Variants in FHOD3 observed in about 807,000 individuals in gnomAD.
The protein encoded by FHOD3 is FH1/FH2 domain-containing protein 3.
A neutral mutation model predicts 173.0 loss-of-function variants in FHOD3; 90 were observed. The ratio of observed to expected loss-of-function variants is 0.52; its 90% CI spans 0.44 to 0.62. FHOD3 has a LOEUF of 0.62. Ranked by LOEUF, FHOD3 falls within the 20% of genes least tolerant of loss-of-function variation. The pLI, the probability that FHOD3 is intolerant of heterozygous loss-of-function variation, is 0.00. For missense variants in FHOD3, 1,945 were observed against 2,034.7 expected, an observed-to-expected ratio of 0.96 and a Z score of 0.85; for synonymous variants, 828 against 823.0, an observed-to-expected ratio of 1.01 and a Z score of -0.10.
chr18:36,613,698 GTCTC>G (rs984089433), intron 9 of FHOD3, among the ~76,000 whole-genome samples: 2 of 152,038 alleles, frequency 1.3e-5, no homozygotes, highest in Admixed American at 6.6e-5. Context: ...TTTTGAGACA[GTCTC>G]TCTCTCTGTT....
intron 1 of FHOD3, among the ~76,000 whole-genome samples, chr18:36,351,856 A>C (rs1389882642): frequency 1.3e-5 from 2 of 152,262 alleles, no homozygotes; most frequent in Admixed American, 1.3e-4. Context: ...AAAATAGCCC[A>C]GATGGGGCTA....
At chr18:36,551,711 A>G (rs1476569115) in intron 5 of FHOD3, among the ~76,000 whole-genome samples, 1 of 152,220 alleles carries the variant, frequency 6.6e-6, no homozygotes, top group African/African-American at 2.4e-5. Context: ...AGCTTTCTGC[A>G]TATGGCTAGC....
intron 9 of FHOD3, among the ~76,000 whole-genome samples, chr18:36,621,839 T>A (rs542191131): frequency 1.3e-5 from 2 of 152,366 alleles, no homozygotes; most frequent in African/African-American, 4.8e-5. Context: ...CACTTCTGGA[T>A]ATTCATCAAA....
intron 17 of FHOD3, among the ~76,000 whole-genome samples, chr18:36,700,647 G>T (rs2039530555): frequency 6.6e-6 from 1 of 151,782 alleles, no homozygotes; most frequent in Non-Finnish European, 1.5e-5. Flanking sequence ...CTTCTTCCAG[G>T]CTCTTCTCAG....
intron 18 of FHOD3, chr18:36,710,296 T>C (rs2040100397): frequency 6.6e-6 from 1 of 152,190 alleles, no homozygotes; most frequent in African/African-American, 2.4e-5. Flanking sequence ...TCCTAACCAG[T>C]GGAGTCATGT....
intron 3 of FHOD3, among the ~76,000 whole-genome samples, chr18:36,433,677 G>A (rs2050671140): frequency 6.6e-6 from 1 of 152,190 alleles, no homozygotes; most frequent in South Asian, 2.1e-4. Flanking sequence ...TACTGTCGCA[G>A]TATCTAAGCC....
chr18:36,388,212 C>A (rs900922341), intron 3 of FHOD3, among the ~76,000 whole-genome samples: 1 of 152,132 alleles, frequency 6.6e-6, no homozygotes, highest in African/African-American at 2.4e-5. Context: ...CATATCATAT[C>A]TTTCTGACAT....
intron 5 of FHOD3, among the ~76,000 whole-genome samples, chr18:36,573,153 T>C (rs2058515097): frequency 6.6e-6 from 1 of 151,196 alleles, no homozygotes; most frequent in Non-Finnish European, 1.5e-5. Flanking sequence ...TTTTGTTCTT[T>C]TTTTTTTTTT....
At chr18:36,528,918 C>T (rs79529800) in intron 5 of FHOD3, among the ~76,000 whole-genome samples, 1,896 of 152,292 alleles carry the variant, frequency 0.012, 42 homozygotes, top group African/African-American at 0.042. Context: ...TTCTCGCACA[C>T]TCACTGCCCT....
At chr18:36,557,072 C>A (rs1250954104) in intron 5 of FHOD3, among the ~76,000 whole-genome samples, 1 of 152,036 alleles carries the variant, frequency 6.6e-6, no homozygotes, top group African/African-American at 2.4e-5. Flanking sequence ...TCATATGCAT[C>A]TATTTTCTGT....
chr18:36,484,854 A>C (rs1023771765), intron 3 of FHOD3, among the ~76,000 whole-genome samples: 1 of 152,108 alleles, frequency 6.6e-6, no homozygotes, highest in African/African-American at 2.4e-5. Context: ...GGGGAAGCCT[A>C]AGGGAGAACT....
chr18:36,637,793 G>C (rs1172167398), intron 10 of FHOD3, among the ~76,000 whole-genome samples: 1 of 152,126 alleles, frequency 6.6e-6, no homozygotes, highest in Admixed American at 6.5e-5. Flanking sequence ...ACAAGGATGT[G>C]GACAGGGAGA....
intron 3 of FHOD3, among the ~76,000 whole-genome samples, chr18:36,441,406 G>A (rs1420719354): frequency 1.3e-5 from 2 of 152,220 alleles, no homozygotes; most frequent in Non-Finnish European, 1.5e-5. Flanking sequence ...GAAGCTCAGA[G>A]TTGTACGGGA....
At chr18:36,439,721 C>T (rs1014870432) in intron 3 of FHOD3, among the ~76,000 whole-genome samples, 5 of 151,994 alleles carry the variant, frequency 3.3e-5, no homozygotes, top group Admixed American at 1.3e-4. Context: ...TGTAACCTCT[C>T]AGTATGAGGC....
chr18:36,637,115 C>G (rs1403575305), intron 10 of FHOD3, among the ~76,000 whole-genome samples: 2 of 152,078 alleles, frequency 1.3e-5, no homozygotes, highest in Non-Finnish European at 2.9e-5. Flanking sequence ...AGAAGAGAAG[C>G]CCCCAATACT....
At chr18:36,663,891 A>G (rs1002271094) in intron 14 of FHOD3, among the ~76,000 whole-genome samples, 2 of 152,208 alleles carry the variant, frequency 1.3e-5, no homozygotes, top group Non-Finnish European at 2.9e-5. Context: ...ATGAATCCAC[A>G]TGCTTGTGTC....
intron 8 of FHOD3, among the ~76,000 whole-genome samples, chr18:36,608,586 C>T (rs1287087806): frequency 6.6e-6 from 1 of 152,158 alleles, no homozygotes; most frequent in Admixed American, 6.5e-5. Flanking sequence ...GGAGATGGAT[C>T]ACCTTCACAA....
chr18:36,406,994 A>C (rs941325159), intron 3 of FHOD3, among the ~76,000 whole-genome samples: 4 of 152,218 alleles, frequency 2.6e-5, no homozygotes, highest in African/African-American at 9.6e-5. Context: ...TGCTGTGCAC[A>C]GAGAAGGGCT....
intron 3 of FHOD3, among the ~76,000 whole-genome samples, chr18:36,491,046 C>T (rs2054442698): frequency 6.6e-6 from 1 of 152,144 alleles, no homozygotes; most frequent in South Asian, 2.1e-4. Context: ...GGAGGGAAAC[C>T]ACTGTGGATG....
Sources: allele counts gnomAD v4.1 joint callset (sites outside exome capture counted in the v4.1 genomes callset), GRCh38; gene constraint gnomAD v4.1.1; transcripts MANE v1.5; gene names NCBI Gene and HGNC (gene_info 2026-07-23, HGNC 2026-07-21).